The following PTAFR variants were observed in gnomAD, a reference collection of about 807,000 sequenced individuals.
PTAFR encodes platelet activating factor receptor, also known as platelet-activating factor receptor.
Under a neutral mutation model 14.7 loss-of-function variants are expected in PTAFR, and 8 were observed. That is an observed-to-expected ratio of 0.54 (90% CI 0.32 to 0.98). The LOEUF is 0.98. Among genes scored for constraint, PTAFR ranks in the 50% least tolerant of loss-of-function variants. The pLI, the probability that PTAFR is intolerant of heterozygous loss-of-function variation, is 0.04. For missense variants in PTAFR, 337 were observed against 451.2 expected (o/e 0.75, Z 2.29); for synonymous variants, 156 against 176.5 (o/e 0.88, Z 0.92).
intron 1 of PTAFR, among the ~76,000 whole-genome samples, chr1:28,170,667 A>G (rs1182528782): frequency 6.6e-6 from 1 of 152,022 alleles, no homozygotes; most frequent in African/African-American, 2.4e-5. Flanking sequence ...ATACCACTGC[A>G]CTCCAGCCTG....
chr1:28,187,045 C>T (rs916311533), intron 1 of PTAFR, among the ~76,000 whole-genome samples: 1 of 152,222 alleles, frequency 6.6e-6, no homozygotes, highest in African/African-American at 2.4e-5. Flanking sequence ...CCCGCCTCGG[C>T]CTCCCAAAGT....
chr1:28,162,823 T>C (rs1646338770), intron 1 of PTAFR, among the ~76,000 whole-genome samples: 1 of 131,228 alleles, frequency 7.6e-6, no homozygotes, highest in Non-Finnish European at 1.6e-5. Context: ...AGCGAGACTT[T>C]GTCTCCAAAA....
chr1:28,162,288 C>G (rs143321785), intron 1 of PTAFR, among the ~76,000 whole-genome samples: 1 of 152,112 alleles, frequency 6.6e-6, no homozygotes, highest in Non-Finnish European at 1.5e-5. Flanking sequence ...TTCCTCTCCC[C>G]GTCCCCTGTA....
chr1:28,179,685 C>A (rs924195189), upstream of PTAFR, among the ~76,000 whole-genome samples: 1 of 151,954 alleles, frequency 6.6e-6, no homozygotes, highest in Non-Finnish European at 1.5e-5. Flanking sequence ...AAGAGCCAGG[C>A]ATGGTGGCAC....
chr1:28,154,572 G>A (rs1181782717), intron 1 of PTAFR, among the ~76,000 whole-genome samples: 1 of 152,144 alleles, frequency 6.6e-6, no homozygotes, highest in Non-Finnish European at 1.5e-5. Context: ...AGCACTTTGG[G>A]ATGCCAAGGT....
At chr1:28,160,751 G>C (rs1646314982) in intron 1 of PTAFR, among the ~76,000 whole-genome samples, 1 of 152,084 alleles carries the variant, frequency 6.6e-6, no homozygotes. Flanking sequence ...CCTCCTTCCA[G>C]ATACAGGACC....
intron 1 of PTAFR, among the ~76,000 whole-genome samples, chr1:28,172,718 G>T (rs1371705384): frequency 6.6e-6 from 1 of 152,194 alleles, no homozygotes; most frequent in Non-Finnish European, 1.5e-5. Flanking sequence ...AGCAACCGGG[G>T]TTAGCCGGAG....
chr1:28,174,837 C>T (rs576105702), intron 1 of PTAFR, among the ~76,000 whole-genome samples: 49 of 152,342 alleles, frequency 3.2e-4, no homozygotes, highest in African/African-American at 6.3e-4. Flanking sequence ...GTCCCCTTTG[C>T]GCAGCATTTT....
At chr1:28,157,575 C>T (rs1036260365) in intron 1 of PTAFR, among the ~76,000 whole-genome samples, 1 of 151,534 alleles carries the variant, frequency 6.6e-6, no homozygotes, top group Middle Eastern at 3.4e-3. Context: ...ATGATACTGT[C>T]TTCATCTAAC....
chr1:28,150,456 A>G lies in PTAFR; in HGVS notation c.566T>C (p.Ile189Thr). Residue 189 changes from isoleucine (I) to threonine (T), a missense_variant, in exon 2 of 2, where the codon ATC (isoleucine) becomes ACC (threonine). Physicochemically the swap from Ile to Thr is moderately conservative, Grantham distance 89. Transcript: ENST00000373857. This position sits in a 1 kb window ranked among gnomAD's most constrained non-coding sequence, Gnocchi z 6.3. ...CAGGAAGAAGCTGAACACGATGAAG[A>G]TGTGGATGATGAGGACTGGCACGCT... ...KGSVPVLIIHIFIVFSFFLVF... is the reference protein window; with the variant it reads ...KGSVPVLIIHTFIVFSFFLVF... The G allele has an allele frequency of 6.2e-7, 1 of 1,614,200 alleles. No individual in the cohort carries two copies. Among genetic ancestry groups the G allele is most frequent in the Non-Finnish European group, 8.5e-7 (1 of 1,180,032 alleles).
Position 28,176,107 on chromosome 1 carries a change from C to A in PTAFR, c.-39+485G>T, listed in dbSNP as rs1646510176. Among the ~76,000 whole-genome samples, 4 of 152,220 alleles carry A rather than the reference C, an allele frequency of 2.6e-5. No individual in the cohort carries two copies. In the South Asian group the frequency reaches 8.3e-4, roughly 32 times the overall value. On this transcript the variant is annotated intron_variant, in intron 1 of 1. Coordinates refer to ENST00000373857, the MANE Select transcript of PTAFR (RefSeq NM_000952.5). ...TTGGACACTAGAAGTTATTTCTAAA[C>A]ATGAGACTCTGGGCCTGAGAAAGGT...
At chr1:28,177,346 T>C (rs1383452119), upstream of PTAFR, among the ~76,000 whole-genome samples, 1 of 152,106 alleles carries the variant, frequency 6.6e-6, no homozygotes, top group African/African-American at 2.4e-5. Flanking sequence ...GGGCAGGGCC[T>C]CCCTGGAGAC....
At chr1:28,171,341 G>C (rs1489038680) in intron 1 of PTAFR, among the ~76,000 whole-genome samples, 2 of 151,298 alleles carry the variant, frequency 1.3e-5, no homozygotes, top group African/African-American at 4.9e-5. Context: ...AAAAAAACTT[G>C]ACCTCACAGG....
chr1:28,164,542 C>T (rs1646361142), intron 1 of PTAFR, among the ~76,000 whole-genome samples: 1 of 152,200 alleles, frequency 6.6e-6, no homozygotes. Context: ...TACATCTTGC[C>T]TATGATCATA....
intron 1 of PTAFR, among the ~76,000 whole-genome samples, chr1:28,158,523 C>A (rs960344095): frequency 1.3e-5 from 2 of 152,142 alleles, no homozygotes; most frequent in African/African-American, 2.4e-5. Context: ...CATGGTGAAA[C>A]CCTGTCTCTA....
chr1:28,164,409 G>A (rs965066342), intron 1 of PTAFR, among the ~76,000 whole-genome samples: 6 of 152,326 alleles, frequency 3.9e-5, no homozygotes, highest in East Asian at 1.9e-4. Context: ...TGGTGAAGGC[G>A]GGGGAACACC....
upstream of PTAFR, chr1:28,177,199 T>G (rs1308997257): frequency 6.6e-6 from 1 of 152,376 alleles, no homozygotes; most frequent in Non-Finnish European, 1.5e-5. Flanking sequence ...TGTGCACATT[T>G]GGGTCTGTGC....
intron 1 of PTAFR, among the ~76,000 whole-genome samples, chr1:28,163,387 G>T (rs1572035809): frequency 6.6e-6 from 1 of 152,192 alleles, no homozygotes; most frequent in Non-Finnish European, 1.5e-5. Flanking sequence ...CCAGTGTCGG[G>T]CACCGAGGAA....
intron 1 of PTAFR, among the ~76,000 whole-genome samples, chr1:28,190,562 G>C (rs1646643863): frequency 6.6e-6 from 1 of 152,150 alleles, no homozygotes. Context: ...AGAAGTCCAG[G>C]AATATGCCAC....
Sources: allele counts gnomAD v4.1 joint callset (sites outside exome capture counted in the v4.1 genomes callset), GRCh38; gene constraint gnomAD v4.1.1; non-coding constraint Gnocchi (gnomAD v3.1); transcripts MANE v1.5; gene names NCBI Gene and HGNC (gene_info 2026-07-23, HGNC 2026-07-21).